Variants in BORA observed in about 807,000 individuals in gnomAD.
BORA encodes protein aurora borealis.
In BORA, 26 loss-of-function variants were observed where a neutral mutation model predicts 55.8. That is an observed-to-expected ratio of 0.47 (90% confidence interval 0.34 to 0.65). BORA has a LOEUF of 0.65. Among genes scored for constraint, BORA ranks in the 30% least tolerant of loss-of-function variants. The pLI is 0.01. For missense variants in BORA, 568 were observed against 671.5 expected (o/e 0.85, Z 1.70); for synonymous variants, 201 against 216.9 (o/e 0.93, Z 0.64).
At chr13:72,732,493 AG>A (rs2032839455) in intron 3 of BORA, among the ~76,000 whole-genome samples, 1 of 152,108 alleles carries the variant, frequency 6.6e-6, no homozygotes, top group South Asian at 2.1e-4. Flanking sequence ...TGGCCAACAT[AG>A]TGAAACCCCA....
chr13:72,749,079 G>A (rs1217765772), intron 10 of BORA, among the ~76,000 whole-genome samples: 2 of 130,352 alleles, frequency 1.5e-5, no homozygotes, highest in African/African-American at 2.9e-5. Flanking sequence ...TCTGCCACAT[G>A]GTTAGCTTTC....
chr13:72,743,875 A>G (rs1295903090), intron 6 of BORA, among the ~76,000 whole-genome samples: 1 of 152,048 alleles, frequency 6.6e-6, no homozygotes, highest in African/African-American at 2.4e-5. Flanking sequence ...AGCTAGGACT[A>G]CAGGCACCCG....
chr13:72,745,882 T>TGCA, intron 8 of BORA, 62 bp from the exon 9 acceptor site: 1 of 1,401,746 alleles, frequency 7.1e-7, no homozygotes, highest in Non-Finnish European at 9.7e-7. Flanking sequence ...ATAAATAGCA[T>TGCA]GCAGCATAAG....
chr13:72,746,650 G>T lies in BORA; in HGVS notation c.1021G>T (p.Gly341Cys). ...TATGAGACTTCAGATGTATAGTGGT[G>T]GTACTCAGTATCGGACCTCAGTGAT... ...SPMRLQMYSG[G>C]TQYRTSVIQI... The change falls in exon 10 of 12, where the codon GGT becomes TGT. Residue 341 changes from glycine to cysteine, a missense_variant. Physicochemically the swap from Gly to Cys is radical, Grantham distance 159 (BLOSUM62 -3). Transcript: ENST00000390667. 1 of 1,614,076 alleles carries T rather than the reference G, an allele frequency of 6.2e-7. No individual in the cohort carries two copies. The highest frequency in any genetic ancestry group is 1.1e-5 in the South Asian group (1 of 91,068).
intron 4 of BORA, 60 bp downstream of exon 4, chr13:72,735,065 C>T: frequency 7.6e-7 from 1 of 1,318,862 alleles, no homozygotes; most frequent in Admixed American, 1.8e-5. Context: ...ATGTACATCA[C>T]TTCTTTTAGG....
chr13:72,754,026 G>A, intron 11 of BORA: 1 of 489,356 alleles, frequency 2.0e-6, no homozygotes, highest in East Asian at 3.6e-5. Context: ...AGTGTGCAAA[G>A]GTAGCGTGTA....
At chr13:72,742,803 CACACACACAA>C (rs1593813273) in intron 5 of BORA, among the ~76,000 whole-genome samples, 2 of 76,458 alleles carry the variant, frequency 2.6e-5, no homozygotes, top group Non-Finnish European at 2.9e-5. Flanking sequence ...CACACACACA[CACACACACAA>C]AATGGAATAC....
rs1593801989 is a variant in BORA at position 72,728,006 on chromosome 13, C to T, written c.-17C>T. On this transcript the variant is annotated splice_region_variant and 5_prime_UTR_variant, in exon 1 of 12. Coordinates refer to ENST00000390667, the MANE Select transcript of BORA (RefSeq NM_024808.5). ...ACTGGGGGCTTCGTTTTGTACGCAC[C>T]GGTAGGTACGCTCTTTGTGGTCCCT... 9 of 1,477,928 alleles carry T rather than the reference C, an allele frequency of 6.1e-6. No homozygotes were observed. In the African/African-American group the frequency reaches 1.1e-4, roughly 18 times the overall value. 91.6% of individuals were successfully genotyped at this position (1,477,928 alleles called of 1,614,324 possible).
chr13:72,753,870 T>G (rs536908276), intron 11 of BORA, 49 bp downstream of exon 11: 1 of 1,506,628 alleles, frequency 6.6e-7, no homozygotes, highest in South Asian at 1.2e-5. Context: ...ATTAGAAATA[T>G]AAAATAATTT....
chr13:72,747,675 A>C (rs2033178324), intron 10 of BORA, among the ~76,000 whole-genome samples: 1 of 151,876 alleles, frequency 6.6e-6, no homozygotes, highest in Admixed American at 6.6e-5. Flanking sequence ...CTGGGACTAC[A>C]GGTGTGCGTC....
intron 7 of BORA, 141 bp from the exon 8 acceptor site, chr13:72,744,840 C>T: frequency 1.4e-6 from 1 of 706,366 alleles, no homozygotes; most frequent in Non-Finnish European, 2.3e-6. Context: ...TGTAAAACAT[C>T]AAATATGCAA....
At chr13:72,729,334 G>A (rs145983100) in intron 2 of BORA, among the ~76,000 whole-genome samples, 1 of 152,004 alleles carries the variant, frequency 6.6e-6, no homozygotes, top group East Asian at 1.9e-4. Flanking sequence ...TGCAGTTGTG[G>A]GTGTAGCTAC....
At chr13:72,728,446 C>G (rs775091339) in intron 1 of BORA, among the ~76,000 whole-genome samples, 1 of 152,210 alleles carries the variant, frequency 6.6e-6, no homozygotes, top group East Asian at 1.9e-4. Flanking sequence ...AAGGCACAAG[C>G]TTCCTCATCT....
chr13:72,755,099 C>G (rs1236002459), intron 11 of BORA, 52 bp from the exon 12 acceptor site: 1 of 1,493,540 alleles, frequency 6.7e-7, no homozygotes, highest in East Asian at 2.3e-5. Flanking sequence ...TAATTGCATC[C>G]TCCAGTGGTC....
chr13:72,731,931 C>A (rs1027212100), intron 3 of BORA, among the ~76,000 whole-genome samples: 1 of 152,148 alleles, frequency 6.6e-6, no homozygotes, highest in Non-Finnish European at 1.5e-5. Flanking sequence ...CTACATATCA[C>A]CCAGTGCAGT....
chr13:72,753,608 G>T (rs1270423950), intron 10 of BORA, 82 bp from the exon 11 acceptor site: 2 of 1,383,432 alleles, frequency 1.4e-6, no homozygotes, highest in Non-Finnish European at 2.0e-6. Context: ...TGTAGTGAAT[G>T]AGAGTTTATA....
Position 72,746,787 on chromosome 13 carries a change from G to A in BORA, c.1158G>A (p.Arg386=), listed in dbSNP as rs767097306. 6.2e-7 allele frequency: 1 copy of A among 1,614,104 alleles called. No homozygotes were observed. Among genetic ancestry groups the A allele is most frequent in the Admixed American group, 1.7e-5 (1 of 60,008 alleles). ...TGGATGCTGCTGGAATACACCTACGGCAGTTTAGTAATGAGGCTTCTACCC... is the reference window on the plus strand; with the variant it reads ...TGGATGCTGCTGGAATACACCTACGACAGTTTAGTAATGAGGCTTCTACCC... ...PAMDAAGIHL[R]QFSNEASTHG... Residue 386 remains arginine, a synonymous_variant, in exon 10 of 12, where the codon CGG becomes CGA. Transcript: ENST00000390667.
chr13:72,755,198 T>C lies in BORA; in HGVS notation c.1662T>C (p.Phe554=). ...GTTGGATGAAAACAGCAAGCCCTTT[T>C]CAATGCAGCAGTCCATAGAATGCCT... is the stretch of plus-strand genomic sequence containing the variant. The part of the protein sequence containing the change: ...QRCWMKTASP[F]QCSSP The change falls in exon 12 of 12, where the codon TTT becomes TTC. Residue 554 remains phenylalanine, a synonymous_variant. Coordinates refer to ENST00000390667, the MANE Select transcript of BORA (RefSeq NM_024808.5). 6.2e-6 allele frequency: 10 copies of C among 1,613,502 alleles called. No homozygotes were observed. The highest frequency in any genetic ancestry group is 8.5e-6 in the Non-Finnish European group (10 of 1,179,606).
At chr13:72,735,060 C>T (rs1300175627) in intron 4 of BORA, 55 bp downstream of exon 4, 12 of 1,351,996 alleles carry the variant, frequency 8.9e-6, no homozygotes, top group South Asian at 1.2e-5. Context: ...TCTGCATGTA[C>T]ATCACTTCTT....
Sources: allele counts gnomAD v4.1 joint callset (sites outside exome capture counted in the v4.1 genomes callset), GRCh38; gene constraint gnomAD v4.1.1; transcripts MANE v1.5; gene names NCBI Gene and HGNC (gene_info 2026-07-23, HGNC 2026-07-21).